MYO5C: variants seen among roughly 807,000 people sequenced by gnomAD.
MYO5C encodes unconventional myosin-Vc.
A neutral mutation model predicts 235.7 loss-of-function variants in MYO5C; 194 were observed. The observed-to-expected ratio is 0.82, with a 90% CI of 0.73 to 0.93. MYO5C has a LOEUF of 0.93. Among genes scored for constraint, MYO5C ranks in the 40% least tolerant of loss-of-function variants. MYO5C has a pLI of 0.00. For synonymous variants in MYO5C, 707 were observed against 754.8 expected (o/e 0.94, Z 1.04); for missense variants, 2,038 against 2,127.2 (o/e 0.96, Z 0.82).
At position 52,278,989 on chromosome 15, in the gene MYO5C, G is replaced by C; in HGVS notation, c.333C>G (p.Tyr111Ter). 6.2e-7 allele frequency: 1 copy of C among 1,613,776 alleles called. No individual in the cohort carries two copies. The highest frequency in any genetic ancestry group is 1.1e-5 in the South Asian group (1 of 91,040). The stretch of plus-strand genomic sequence containing the variant: ...CATCTCCGTATATTGGCAACTGCTT[G>C]TAAGGATTCATGGCCACCAAAATGA... ...SGIILVAMNP[Y>*]KQLPIYGDAI... Residue 111 changes from tyrosine to a stop codon, truncating the protein, a stop_gained, in exon 4 of 41, where the codon TAC becomes TAG. Transcript: ENST00000261839. LOFTEE classifies it high-confidence loss of function.
intron 17 of MYO5C, 66 bp downstream of exon 17, chr15:52,245,890 C>G: frequency 7.0e-7 from 1 of 1,435,250 alleles, no homozygotes; most frequent in Non-Finnish European, 9.8e-7. Context: ...GCAGCCATGT[C>G]CTTGGTTCTC....
intron 19 of MYO5C, 53 bp from the exon 20 acceptor site, chr15:52,242,266 C>T: frequency 6.5e-7 from 1 of 1,542,216 alleles, no homozygotes; most frequent in Non-Finnish European, 8.8e-7. Flanking sequence ...CATCAACTTC[C>T]ATAACAGAGC....
At chr15:52,210,876 A>G (rs1227392038) in intron 35 of MYO5C, among the ~76,000 whole-genome samples, 1 of 152,220 alleles carries the variant, frequency 6.6e-6, no homozygotes. Flanking sequence ...GTTAGCCTTC[A>G]CAAAATCCCG....
At position 52,246,944 on chromosome 15, in the gene MYO5C, T is replaced by C. The variant is rs769886770; in HGVS notation, c.1952A>G (p.Lys651Arg). 4 of 1,614,002 alleles carry C rather than the reference T, an allele frequency of 2.5e-6. No individual in the cohort carries two copies. The highest frequency in any genetic ancestry group is 3.4e-6 in the Non-Finnish European group (4 of 1,180,000). Residue 651 changes from lysine (K) to arginine (R), a missense_variant, in exon 16 of 41, where the codon AAG (lysine) becomes AGG (arginine). Coordinates refer to ENST00000261839, the MANE Select transcript of MYO5C (RefSeq NM_018728.4). The part of the protein sequence containing the change: ...ATTPHYVRCI[K>R]PNDEKLPFEF... ...AAAGGGTAACTTCTCATCATTTGGC[T>C]TGATGCATCGAACGTAGTGGGGCGT...
chr15:52,204,928 A>ATCAAGAT lies in MYO5C; in HGVS notation c.4756_4757insATCTTGA (p.Val1586AspfsTer35). On this transcript the variant is annotated frameshift_variant, in exon 38 of 41. Coordinates refer to ENST00000261839, the MANE Select transcript of MYO5C (RefSeq NM_018728.4). LOFTEE classifies it high-confidence loss of function. Reference sequence around the variant, plus strand: ...GCGCAGGAAGAGGCTGTTCAGCGTGACCGCCCCGATCAAGAAGAAGAGCTG... The same window carrying ATCAAGAT: ...GCGCAGGAAGAGGCTGTTCAGCGTGATCAAGATCCGCCCCGATCAAGAAGAAGAGCTG... The ATCAAGAT allele has an allele frequency of 6.2e-7, 1 of 1,614,188 alleles. No homozygotes were observed. Among genetic ancestry groups the ATCAAGAT allele is most frequent in the Non-Finnish European group, 8.5e-7 (1 of 1,180,022 alleles).
intron 31 of MYO5C, among the ~76,000 whole-genome samples, chr15:52,219,045 G>T (rs1016784866): frequency 6.6e-6 from 1 of 152,206 alleles, no homozygotes; most frequent in Admixed American, 6.5e-5. Context: ...CACTCACAAA[G>T]CCAGGGATCA....
intron 1 of MYO5C, among the ~76,000 whole-genome samples, chr15:52,284,305 C>T (rs1034388707): frequency 6.6e-6 from 1 of 152,118 alleles, no homozygotes; most frequent in East Asian, 1.9e-4. Context: ...ATGGGTGAGT[C>T]ACCAAAGCAC....
intron 1 of MYO5C, among the ~76,000 whole-genome samples, chr15:52,292,893 C>T (rs1046834459): frequency 5.3e-5 from 8 of 152,198 alleles, no homozygotes; most frequent in African/African-American, 1.7e-4. Context: ...GCAGTGGCAA[C>T]GTGCAAGCAA....
At chr15:52,214,838 T>A in intron 32 of MYO5C, 148 bp from the exon 33 acceptor site, 1 of 524,166 alleles carries the variant, frequency 1.9e-6, no homozygotes, top group East Asian at 3.3e-5. Flanking sequence ...TTTAGTGTAG[T>A]CAGAGTTGTG....
intron 23 of MYO5C, among the ~76,000 whole-genome samples, chr15:52,233,676 G>T (rs147949914): frequency 6.6e-6 from 1 of 152,184 alleles, no homozygotes; most frequent in Non-Finnish European, 1.5e-5. Context: ...TACAAGAGTC[G>T]CAAACACAAA....
At chr15:52,294,324 C>T (rs1427894583) in intron 1 of MYO5C, among the ~76,000 whole-genome samples, 1 of 152,226 alleles carries the variant, frequency 6.6e-6, no homozygotes, top group African/African-American at 2.4e-5. Flanking sequence ...GCGCTGTTGG[C>T]TGTCTGAGGG....
chr15:52,202,740 T>G (rs2035216436), intron 38 of MYO5C, among the ~76,000 whole-genome samples: 1 of 152,196 alleles, frequency 6.6e-6, no homozygotes. Context: ...AACCATGCCC[T>G]GCTGTCATGA....
chr15:52,281,399 G>C (rs987365004), intron 2 of MYO5C, among the ~76,000 whole-genome samples: 6 of 152,244 alleles, frequency 3.9e-5, no homozygotes, highest in African/African-American at 1.4e-4. Flanking sequence ...AAGCCCTGCA[G>C]ATATTACCAA....
At chr15:52,234,309 C>T (rs181176200) in intron 23 of MYO5C, among the ~76,000 whole-genome samples, 219 of 152,244 alleles carry the variant, frequency 1.4e-3, no homozygotes, top group African/African-American at 5.2e-3. Context: ...TTTGCCATGT[C>T]GGGGGAGGCG....
intron 1 of MYO5C, 93 bp downstream of exon 1, chr15:52,295,517 G>T (rs2140881156): frequency 1.4e-6 from 2 of 1,402,462 alleles, no homozygotes; most frequent in South Asian, 1.4e-5. Flanking sequence ...AGGTGCGCAG[G>T]TGTGGCAGGT....
At chr15:52,248,917 T>C in intron 13 of MYO5C, 134 bp from the exon 14 acceptor site, 2 of 640,434 alleles carry the variant, frequency 3.1e-6, no homozygotes, top group Non-Finnish European at 2.7e-6. Flanking sequence ...ACGTCTGGCT[T>C]CTGTGCATCA....
At chr15:52,224,020 C>T (rs1372491638) in intron 28 of MYO5C, among the ~76,000 whole-genome samples, 2 of 152,242 alleles carry the variant, frequency 1.3e-5, no homozygotes, top group Non-Finnish European at 1.5e-5. Flanking sequence ...CAGTGGCTCA[C>T]ACCTGTAATC....
Position 52,261,232 on chromosome 15 carries a change from T to G in MYO5C, c.1048-105A>C, listed in dbSNP as rs991038554. 2.9e-6 allele frequency: 4 copies of G among 1,359,318 alleles called. No homozygotes were observed. In the East Asian group the frequency reaches 9.8e-5, roughly 33 times the overall value. The allele number at this position is 1,359,318 out of a possible 1,614,324, so 84.2% of individuals were successfully genotyped here. ...CCCACACTCAGGCCTGTGCAAGAGCTGAGTAGTAGCTGGCACAAGGACGCC... is the reference window on the plus strand; with the variant it reads ...CCCACACTCAGGCCTGTGCAAGAGCGGAGTAGTAGCTGGCACAAGGACGCC... On this transcript the variant is annotated intron_variant, in intron 9 of 40. Transcript: ENST00000261839.
At chr15:52,273,504 G>A (rs1222543339) in intron 5 of MYO5C, among the ~76,000 whole-genome samples, 2 of 152,176 alleles carry the variant, frequency 1.3e-5, no homozygotes, top group Non-Finnish European at 2.9e-5. Context: ...AAGTAATGAT[G>A]TCACGAGGGT....
Sources: gnomAD v4.1 joint callset for allele counts (sites outside exome capture counted in the v4.1 genomes callset) on GRCh38, gnomAD v4.1.1 for gene constraint, MANE v1.5 for transcripts, NCBI Gene and HGNC (gene_info 2026-07-23, HGNC 2026-07-21) for gene names.